GRM7: variants seen among roughly 807,000 people sequenced by gnomAD.
GRM7 encodes the protein metabotropic glutamate receptor 7.
Under a neutral mutation model 84.5 loss-of-function variants are expected in GRM7, and 35 were observed. The observed-to-expected ratio is 0.41, with a 90% CI of 0.32 to 0.55. The LOEUF (loss-of-function observed/expected upper bound fraction) is 0.55. Among genes scored for constraint, GRM7 ranks in the 20% least tolerant of loss-of-function variants. GRM7 has a pLI of 0.19. For missense variants in GRM7, 1,003 were observed against 1,194.6 expected (o/e 0.84, Z 2.36); for synonymous variants, 487 against 455.1 (o/e 1.07, Z -0.89).
chr3:7,471,277 G>T (rs1385941455), intron 7 of GRM7, among the ~76,000 whole-genome samples: 1 of 151,834 alleles, frequency 6.6e-6, no homozygotes, highest in Admixed American at 6.6e-5. Context: ...AGTTCTTTAG[G>T]TTAGAAGTCC....
intron 4 of GRM7, among the ~76,000 whole-genome samples, chr3:7,385,804 T>G (rs1383374801): frequency 6.6e-6 from 1 of 152,204 alleles, no homozygotes; most frequent in East Asian, 1.9e-4. Context: ...AGAAGCCAAA[T>G]ATTAACAGTA....
At chr3:6,945,880 C>G (rs917136393) in intron 1 of GRM7, among the ~76,000 whole-genome samples, 1 of 152,136 alleles carries the variant, frequency 6.6e-6, no homozygotes, top group African/African-American at 2.4e-5. Flanking sequence ...AGTGTCTGTT[C>G]ATATCCTTCA....
intron 9 of GRM7, among the ~76,000 whole-genome samples, chr3:7,739,975 C>T (rs1393457359): frequency 2.0e-5 from 3 of 152,140 alleles, no homozygotes; most frequent in Middle Eastern, 3.2e-3. Flanking sequence ...CAGACCTTTT[C>T]CAAGCAAAGG....
chr3:7,080,415 A>G (rs932201049), intron 1 of GRM7, among the ~76,000 whole-genome samples: 2 of 152,054 alleles, frequency 1.3e-5, no homozygotes, highest in Non-Finnish European at 2.9e-5. Flanking sequence ...CCTACCACAA[A>G]TCCAAAATGT....
At chr3:6,974,661 A>G (rs1693918345) in intron 1 of GRM7, among the ~76,000 whole-genome samples, 1 of 152,196 alleles carries the variant, frequency 6.6e-6, no homozygotes, top group African/African-American at 2.4e-5. Context: ...AACTGTGTTA[A>G]GAGCTGCTGC....
At chr3:7,252,681 CTTT>C (rs796131239) in intron 2 of GRM7, among the ~76,000 whole-genome samples, 5 of 15,842 alleles carry the variant, frequency 3.2e-4, no homozygotes, top group African/African-American at 4.2e-4. Context: ...CTTTTCTTTT[CTTT>C]TTTTCTTTTC....
intron 1 of GRM7, among the ~76,000 whole-genome samples, chr3:7,134,016 CAT>C (rs1288426791): frequency 2.6e-5 from 4 of 152,160 alleles, no homozygotes; most frequent in African/African-American, 9.6e-5. Context: ...CACACACACA[CAT>C]GCAACCCCTC....
chr3:7,569,915 G>A (rs186582048), intron 7 of GRM7, among the ~76,000 whole-genome samples: 13 of 152,270 alleles, frequency 8.5e-5, no homozygotes, highest in African/African-American at 3.1e-4. Flanking sequence ...TCACCGCGAG[G>A]GTCCGTGGCT....
At chr3:7,417,369 G>A (rs200531339) in intron 5 of GRM7, among the ~76,000 whole-genome samples, 1 of 151,946 alleles carries the variant, frequency 6.6e-6, no homozygotes, top group Non-Finnish European at 1.5e-5. Context: ...GTCATATTTT[G>A]TTTGTTTTCC....
intron 7 of GRM7, among the ~76,000 whole-genome samples, chr3:7,469,155 ATTGTTGACTTAGCG>A (rs896135335): frequency 6.6e-6 from 1 of 152,210 alleles, no homozygotes; most frequent in African/African-American, 2.4e-5. Flanking sequence ...GGACTAGGTC[ATTGTTGACTTAGCG>A]TCCCAGTGCC....
chr3:7,716,498 T>A lies in GRM7; in HGVS notation c.2699-23859T>A, dbSNP rs1219021091. 1.3e-5 allele frequency among the ~76,000 whole-genome samples: 2 copies of A among 152,208 alleles called. 1 individual carries two copies. Among genetic ancestry groups the A allele is most frequent in the Non-Finnish European group, 2.9e-5 (2 of 68,036 alleles). On this transcript the variant is annotated intron_variant, in intron 9 of 9. Coordinates refer to ENST00000357716, the MANE Select transcript of GRM7 (RefSeq NM_000844.4). ...TGTCAACATTTCAAAGCCAGGGGCATATATTAACAAATGGGAAAGCATCTA... is the reference window on the plus strand; with the variant it reads ...TGTCAACATTTCAAAGCCAGGGGCAAATATTAACAAATGGGAAAGCATCTA...
chr3:7,588,208 T>A (rs986426296), intron 8 of GRM7, among the ~76,000 whole-genome samples: 6 of 152,216 alleles, frequency 3.9e-5, no homozygotes, highest in Admixed American at 2.6e-4. Context: ...TAGTTTCTTC[T>A]GAGTATAATG....
intron 4 of GRM7, among the ~76,000 whole-genome samples, chr3:7,307,629 T>G (rs56174360): frequency 6.6e-6 from 1 of 152,058 alleles, no homozygotes. Context: ...GATAAAAATC[T>G]CATGAGTCAC....
At chr3:7,003,227 A>G (rs1182259758) in intron 1 of GRM7, among the ~76,000 whole-genome samples, 1 of 152,196 alleles carries the variant, frequency 6.6e-6, no homozygotes, top group East Asian at 1.9e-4. Flanking sequence ...AAATTGCTAA[A>G]GAATTGATTT....
intron 1 of GRM7, among the ~76,000 whole-genome samples, chr3:6,899,799 A>T (rs1037821386): frequency 6.6e-6 from 1 of 152,200 alleles, no homozygotes; most frequent in African/African-American, 2.4e-5. Flanking sequence ...AAACATCAAG[A>T]TGTTCATACT....
At chr3:7,705,558 G>A (rs1214304172) in intron 9 of GRM7, among the ~76,000 whole-genome samples, 3 of 152,148 alleles carry the variant, frequency 2.0e-5, no homozygotes, top group African/African-American at 4.8e-5. Flanking sequence ...AAGCTACAGA[G>A]ATCAAAAGCA....
chr3:7,510,050 C>T (rs1355460710), intron 7 of GRM7, among the ~76,000 whole-genome samples: 1 of 152,136 alleles, frequency 6.6e-6, no homozygotes, highest in Non-Finnish European at 1.5e-5. Context: ...ATCATGTGTA[C>T]ATCACTGGTT....
intron 2 of GRM7, among the ~76,000 whole-genome samples, chr3:7,272,673 G>A (rs1354373748): frequency 6.6e-6 from 1 of 151,872 alleles, no homozygotes; most frequent in Non-Finnish European, 1.5e-5. Context: ...TTATTTGAAT[G>A]TTCTTGGGAT....
At chr3:7,352,577 A>C (rs558704380) in intron 4 of GRM7, among the ~76,000 whole-genome samples, 14 of 152,248 alleles carry the variant, frequency 9.2e-5, no homozygotes, top group African/African-American at 2.9e-4. Context: ...ATTATAAGGA[A>C]AGGTGAACTC....
Sources: gnomAD v4.1 joint callset for allele counts (sites outside exome capture counted in the v4.1 genomes callset) on GRCh38, gnomAD v4.1.1 for gene constraint, MANE v1.5 for transcripts, NCBI Gene and HGNC (gene_info 2026-07-23, HGNC 2026-07-21) for gene names.